The following DTX4 variants were observed in gnomAD, a reference collection of about 807,000 sequenced individuals.
DTX4 encodes the protein E3 ubiquitin-protein ligase DTX4.
A neutral mutation model predicts 57.6 loss-of-function variants in DTX4; 28 were observed. The ratio of observed to expected loss-of-function variants is 0.49; its 90% CI spans 0.36 to 0.67. The LOEUF (loss-of-function observed/expected upper bound fraction) is 0.67, where lower values mean the gene tolerates loss of function less well. DTX4 is among the 30% of genes least tolerant of loss of function. The pLI, the probability that DTX4 is intolerant of heterozygous loss-of-function variation, is 0.00. For synonymous variants in DTX4, 316 were observed against 331.0 expected (o/e 0.95, Z 0.49); for missense variants, 715 against 836.8 (o/e 0.85, Z 1.80).
chr11:59,204,346 G>A (rs930572570), intron 8 of DTX4, among the ~76,000 whole-genome samples: 6 of 152,326 alleles, frequency 3.9e-5, no homozygotes, highest in African/African-American at 1.4e-4. Flanking sequence ...TGCGTTGTAG[G>A]CACTGGTGTG....
rs1047209012 is a variant in DTX4 at position 59,182,400 on chromosome 11, C to T, written c.873C>T (p.Thr291=). 2.5e-6 allele frequency: 4 copies of T among 1,613,414 alleles called. No individual in the cohort carries two copies. The highest frequency in any genetic ancestry group is 8.5e-7 in the Non-Finnish European group (1 of 1,179,734). Residue 291 remains threonine (T), a synonymous_variant, in exon 2 of 9, where the codon ACC becomes ACT. Coordinates refer to ENST00000227451, the MANE Select transcript of DTX4 (RefSeq NM_015177.2). ...AGACCGGAAGGGTGGCCCTGGCCAC[C>T]TTGAATCGTACCAACCTGCAGCGAC... is the stretch of plus-strand genomic sequence containing the variant. ...NSKTGRVALA[T]LNRTNLQRLA...
At chr11:59,194,894 C>A (rs1862642886) in intron 6 of DTX4, 1 of 371,482 alleles carries the variant, frequency 2.7e-6, no homozygotes, top group African/African-American at 2.1e-5. Context: ...CCATTTGGTA[C>A]TGAGTGGCTG....
rs1565216673 is a variant in DTX4, at chr11:59,182,248, G to T, written c.721G>T (p.Asp241Tyr). Reference protein sequence around the residue: ...PLPGSGAKPLDSTGTIRGPLK... With the variant: ...PLPGSGAKPLYSTGTIRGPLK... ...GCCAGGCTCTGGGGCCAAGCCACTG[G>T]ACAGCACAGGCACCATTCGAGGCCC... Residue 241 changes from aspartate to tyrosine, a missense_variant, in exon 2 of 9, where the codon GAC becomes TAC. Asp to Tyr is a radical substitution (Grantham distance 160, BLOSUM62 -3). Transcript: ENST00000227451. The T allele has an allele frequency of 3.7e-6, 6 of 1,611,954 alleles. No homozygotes were observed. Among genetic ancestry groups the T allele is most frequent in the Non-Finnish European group, 5.1e-6 (6 of 1,179,556 alleles).
rs777780742 is a variant in DTX4, at chr11:59,189,147, C to T, written c.998-15C>T. 3.1e-6 allele frequency: 5 copies of T among 1,612,580 alleles called. No individual in the cohort carries two copies. In the Admixed American group the frequency reaches 8.3e-5, roughly 27 times the overall value. ...AGTCTCCAGTCTTTCCTCACCCATGCCCTGCCCCTTCCAGGAATCACTGGG... is the reference window on the plus strand; with the variant it reads ...AGTCTCCAGTCTTTCCTCACCCATGTCCTGCCCCTTCCAGGAATCACTGGG... On this transcript the variant is annotated splice_polypyrimidine_tract_variant and intron_variant, in intron 3 of 8. Transcript: ENST00000227451.
intron 4 of DTX4, 142 bp from the exon 5 acceptor site, chr11:59,190,972 T>C (rs975246549): frequency 1.1e-5 from 8 of 706,292 alleles, no homozygotes; most frequent in Non-Finnish European, 1.9e-5. Flanking sequence ...TCCATGTTCT[T>C]AACTTAAATT....
At chr11:59,189,945 G>T (rs980740569) in intron 4 of DTX4, among the ~76,000 whole-genome samples, 2 of 152,150 alleles carry the variant, frequency 1.3e-5, no homozygotes, top group African/African-American at 2.4e-5. Flanking sequence ...TTGTCTTTCT[G>T]GTCACTGGCA....
At chr11:59,181,714 C>T in intron 1 of DTX4, 25 bp from the exon 2 acceptor site, 1 of 1,570,136 alleles carries the variant, frequency 6.4e-7, no homozygotes, top group Non-Finnish European at 8.7e-7. Flanking sequence ...CTGACTCTGA[C>T]CTCTCCCCTA....
chr11:59,184,846 C>T (rs1387829703), intron 2 of DTX4, among the ~76,000 whole-genome samples: 1 of 152,196 alleles, frequency 6.6e-6, no homozygotes, highest in Admixed American at 6.5e-5. Context: ...CAGCCCTTTG[C>T]TTTTCACCTC....
In DTX4 at chr11:59,206,509, G is replaced by GTATATATATATATATA. The variant is rs3837398; in HGVS notation, c.*1606_*1621dup. On this transcript the variant is annotated 3_prime_UTR_variant, in exon 9 of 9. Transcript: ENST00000227451. ...ATACCTCATGTTTTGGGGGTTTGAC[G>GTATATATATATATATA]TATATATATATATATATATATGCAT... 6.5e-4 allele frequency: 92 copies of GTATATATATATATATA among 142,264 alleles called. No homozygotes were observed. Among genetic ancestry groups the GTATATATATATATATA allele is most frequent in the African/African-American group, 2.2e-3 (84 of 38,000 alleles). 8.8% of individuals were successfully genotyped at this position (142,264 alleles called of 1,614,324 possible).
intron 2 of DTX4, among the ~76,000 whole-genome samples, chr11:59,187,427 A>G (rs907443471): frequency 2.0e-5 from 3 of 152,210 alleles, no homozygotes; most frequent in East Asian, 3.9e-4. Flanking sequence ...AGCTCTGTGC[A>G]TGTTGGTAAC....
chr11:59,195,309 G>C lies in DTX4; in HGVS notation c.1476G>C (p.Leu492Phe). Residue 492 changes from leucine to phenylalanine, a missense_variant, in exon 7 of 9, where the codon TTG (leucine) becomes TTC (phenylalanine). Coordinates refer to ENST00000227451, the MANE Select transcript of DTX4 (RefSeq NM_015177.2). ...AGTACCACCTCATCCCCCACTCCTT[G>C]CCTGGCCACCCAGACTGCAAAACCA... Reference protein sequence around the residue: ...KMEYHLIPHSLPGHPDCKTIR... With the variant: ...KMEYHLIPHSFPGHPDCKTIR... 1 of 1,613,846 alleles carries C rather than the reference G, an allele frequency of 6.2e-7. No homozygotes were observed. The highest frequency in any genetic ancestry group is 8.5e-7 in the Non-Finnish European group (1 of 1,179,830).
Position 59,207,844 on chromosome 11 carries a change from A to T in DTX4, c.*2935A>T, listed in dbSNP as rs1862833650. 1 of 151,882 alleles carries T rather than the reference A, an allele frequency of 6.6e-6. No homozygotes were observed. The highest frequency in any genetic ancestry group is 2.4e-5 in the African/African-American group (1 of 41,082). 9.4% of individuals were successfully genotyped at this position (151,882 alleles called of 1,614,324 possible). On this transcript the variant is annotated 3_prime_UTR_variant, in exon 9 of 9. Transcript: ENST00000227451. The stretch of plus-strand genomic sequence containing the variant: ...TGGCTGCGTGTGCCTTTGTGTTTTC[A>T]TTCTCTTCCCATTTTTGTACATTTT...
chr11:59,200,532 A>G (rs1362988315), intron 8 of DTX4, among the ~76,000 whole-genome samples: 2 of 152,226 alleles, frequency 1.3e-5, no homozygotes, highest in Non-Finnish European at 2.9e-5. Flanking sequence ...AGCTGATCTG[A>G]CAACACATTG....
intron 1 of DTX4, 69 bp from the exon 2 acceptor site, chr11:59,181,670 T>C: frequency 6.5e-7 from 1 of 1,528,248 alleles, no homozygotes; most frequent in Non-Finnish European, 8.8e-7. Context: ...ATGGCATGAC[T>C]TGTTAATGTC....
At chr11:59,204,177 A>ATTTTTCTTTTTT (rs1862774189) in intron 8 of DTX4, among the ~76,000 whole-genome samples, 1 of 152,236 alleles carries the variant, frequency 6.6e-6, no homozygotes, top group Non-Finnish European at 1.5e-5. Flanking sequence ...AAAATAGTGC[A>ATTTTTCTTTTTT]CAGCTTCAGC....
intron 6 of DTX4, 131 bp from the exon 7 acceptor site, chr11:59,195,077 C>A (rs1369125579): frequency 3.1e-6 from 3 of 956,478 alleles, no homozygotes; most frequent in East Asian, 2.4e-5. Context: ...GAGGGAAAAA[C>A]TAAGATCTAT....
chr11:59,189,027 C>A, intron 3 of DTX4, 135 bp from the exon 4 acceptor site: 1 of 1,122,872 alleles, frequency 8.9e-7, no homozygotes, highest in Non-Finnish European at 1.3e-6. Flanking sequence ...GGGGAAAGTA[C>A]AGGGTAGAGA....
chr11:59,183,730 TGCC>T (rs1372840962), intron 2 of DTX4, among the ~76,000 whole-genome samples: 1 of 151,848 alleles, frequency 6.6e-6, no homozygotes, highest in Non-Finnish European at 1.5e-5. Flanking sequence ...GTGGGAAGAG[TGCC>T]GAGTTGGAAA....
In DTX4 at chr11:59,172,842, C is replaced by T. The variant is rs373451969; in HGVS notation, c.211+36C>T. The stretch of plus-strand genomic sequence containing the variant: ...CGCCCCTGACCCCGCCCCGCCTGCT[C>T]CCACCTTCCCAACCTGCCAAGGTAC... On this transcript the variant is annotated intron_variant, in intron 1 of 8. Transcript: ENST00000227451. 1.8e-4 allele frequency: 261 copies of T among 1,473,858 alleles called. 2 individuals are homozygous for T. The highest frequency in any genetic ancestry group is 4.9e-4 in the Middle Eastern group (2 of 4,042). The allele number at this position is 1,473,858 out of a possible 1,614,324, so 91.3% of individuals were successfully genotyped here.
Sources: allele counts gnomAD v4.1 joint callset (sites outside exome capture counted in the v4.1 genomes callset), GRCh38; gene constraint gnomAD v4.1.1; transcripts MANE v1.5; gene names NCBI Gene and HGNC (gene_info 2026-07-23, HGNC 2026-07-21).